Variants in GTF3C3 observed in about 807,000 individuals in gnomAD.
The protein encoded by GTF3C3 is general transcription factor 3C polypeptide 3.
Under a neutral mutation model 105.2 loss-of-function variants are expected in GTF3C3, and 75 were observed. The observed-to-expected ratio is 0.71, with a 90% CI of 0.59 to 0.86. The LOEUF (loss-of-function observed/expected upper bound fraction) is 0.86, where lower values mean the gene tolerates loss of function less well. GTF3C3 is among the 40% of genes least tolerant of loss of function. The pLI is 0.00. For missense variants in GTF3C3, 856 were observed against 1,076.5 expected, an observed-to-expected ratio of 0.80 and a Z score of 2.87; for synonymous variants, 335 against 370.4, an observed-to-expected ratio of 0.90 and a Z score of 1.10.
At chr2:196,781,358 ATATATATATAT>A (rs1699356443) in intron 8 of GTF3C3, among the ~76,000 whole-genome samples, 1 of 31,928 alleles carries the variant, frequency 3.1e-5, no homozygotes, top group Non-Finnish European at 5.7e-5. Context: ...AAAAAAAAAA[ATATATATATAT>A]ATATATATAT....
chr2:196,776,374 G>C lies in GTF3C3; in HGVS notation c.1593+53C>G. 3 of 1,443,098 alleles carry C rather than the reference G, an allele frequency of 2.1e-6. No individual in the cohort carries two copies. In the South Asian group the frequency reaches 3.6e-5, roughly 17 times the overall value. 89.4% of individuals were successfully genotyped at this position (1,443,098 alleles called of 1,614,324 possible). A position where few individuals can be genotyped will look rare whatever the true frequency, so the allele number is the denominator to read the frequency against. On this transcript the variant is annotated intron_variant, in intron 11 of 17. Transcript: ENST00000263956. This position sits in a 1 kb window ranked among gnomAD's most constrained non-coding sequence, Gnocchi z 4.5. ...AGAGACATCCTTAATGGAGGAGAAA[G>C]TTCTAAAATATAATATACCAAGAAA...
chr2:196,798,384 G>A (rs1229032330), intron 1 of GTF3C3, among the ~76,000 whole-genome samples: 1 of 151,896 alleles, frequency 6.6e-6, no homozygotes, highest in African/African-American at 2.4e-5. Flanking sequence ...AATTAGCAGA[G>A]TGTGATGGCT....
intron 8 of GTF3C3, among the ~76,000 whole-genome samples, chr2:196,782,878 C>T (rs1233017771): frequency 6.6e-6 from 1 of 152,148 alleles, no homozygotes; most frequent in Admixed American, 6.5e-5. Flanking sequence ...ATAGCCCCTA[C>T]AGCTTATATA....
Position 196,766,647 on chromosome 2 carries a change from C to T in GTF3C3, c.2456G>A (p.Arg819His), listed in dbSNP as rs779816239. Reference protein sequence around the residue: ...PCQESFYNLGRGLHQLGLIHL... With the variant: ...PCQESFYNLGHGLHQLGLIHL... ...AATCAGCCCCAACTGATGAAGGCCA[C>T]GGCCCAAATTGTAGAATGATTCCTG... The change falls in exon 17 of 18, where the codon CGT (arginine) becomes CAT (histidine). Residue 819 changes from arginine to histidine, a missense_variant. By Grantham distance (29) the Arg-to-His change is conservative. Transcript: ENST00000263956. 1.3e-5 allele frequency: 21 copies of T among 1,612,972 alleles called. No individual in the cohort carries two copies. The highest frequency in any genetic ancestry group is 5.5e-5 in the South Asian group (5 of 90,984).
intron 1 of GTF3C3, 144 bp downstream of exon 1, chr2:196,799,366 A>G: frequency 1.6e-6 from 1 of 643,902 alleles, no homozygotes. Context: ...AGGGGTGAAA[A>G]CCGGAGTTTC....
At chr2:196,797,206 A>G (rs1699661985) in intron 2 of GTF3C3, among the ~76,000 whole-genome samples, 1 of 152,242 alleles carries the variant, frequency 6.6e-6, no homozygotes, top group Non-Finnish European at 1.5e-5. Context: ...AAGGGTATCA[A>G]TCACTGAACA....
intron 16 of GTF3C3, among the ~76,000 whole-genome samples, chr2:196,769,152 C>A (rs1699125145): frequency 6.6e-6 from 1 of 152,110 alleles, no homozygotes; most frequent in Non-Finnish European, 1.5e-5. Context: ...AAAGAGACCA[C>A]CTTAATGAAC....
In GTF3C3 at chr2:196,768,625, G is replaced by A. The variant is rs537493296; in HGVS notation, c.2385+1290C>T. Among the ~76,000 whole-genome samples the A allele has an allele frequency of 2.6e-5, 4 of 152,182 alleles. No individual in the cohort carries two copies. The East Asian group carries it at 7.7e-4, about 29-fold the overall frequency. On this transcript the variant is annotated intron_variant, in intron 16 of 17. Transcript: ENST00000263956. ...AATGATGCTATTTACAATAAAACCT[G>A]CTTCTCAGAAACTTTTTTTATGGAA...
rs114499716 is a variant in GTF3C3 at position 196,783,596 on chromosome 2, C to T, written c.1114+1261G>A. Among the ~76,000 whole-genome samples the T allele has an allele frequency of 8.1e-3, 1,240 of 152,278 alleles. 10 individuals are homozygous for T. The highest frequency in any genetic ancestry group is 0.028 in the African/African-American group (1,162 of 41,544). On this transcript the variant is annotated intron_variant, in intron 8 of 17. Transcript: ENST00000263956. ...CATTCACACCACCCTGATGACTCAACAGCCCCAACCACAGCCTGTGATCTG... is the reference window on the plus strand; with the variant it reads ...CATTCACACCACCCTGATGACTCAATAGCCCCAACCACAGCCTGTGATCTG...
intron 14 of GTF3C3, among the ~76,000 whole-genome samples, chr2:196,772,524 G>C (rs1234810526): frequency 6.6e-6 from 1 of 151,896 alleles, no homozygotes; most frequent in Non-Finnish European, 1.5e-5. Flanking sequence ...CTCCAGCCTG[G>C]GCAATAGGAG....
rs776028689 is a variant in GTF3C3, at chr2:196,799,624, T to C, written c.-13A>G. ...TGAACCCTGACATGTTTACAGGGTC[T>C]GTCTGTGCAACCCCAGGAACCGGGA... On this transcript the variant is annotated 5_prime_UTR_variant, in exon 1 of 18. Transcript: ENST00000263956. 6.4e-7 allele frequency: 1 copy of C among 1,571,022 alleles called. No individual in the cohort carries two copies. The highest frequency in any genetic ancestry group is 8.8e-7 in the Non-Finnish European group (1 of 1,140,724).
chr2:196,767,126 C>T (rs1227211933), intron 16 of GTF3C3: 4 of 153,096 alleles, frequency 2.6e-5, no homozygotes, highest in Non-Finnish European at 5.8e-5. Flanking sequence ...CTCTCAGGAG[C>T]AAATTCACTT....
At chr2:196,796,696 G>A (rs1699652409) in intron 2 of GTF3C3, among the ~76,000 whole-genome samples, 1 of 152,120 alleles carries the variant, frequency 6.6e-6, no homozygotes, top group Non-Finnish European at 1.5e-5. Context: ...CCCAGTGTCT[G>A]TTGTTTCCTC....
chr2:196,798,450 G>C (rs546509631), intron 1 of GTF3C3, among the ~76,000 whole-genome samples: 1 of 152,180 alleles, frequency 6.6e-6, no homozygotes, highest in East Asian at 1.9e-4. Context: ...CTTGAGTCCG[G>C]GAGGCGGAAG....
At chr2:196,770,096 T>C (rs933395537) in intron 15 of GTF3C3, 57 bp from the exon 16 acceptor site, 1 of 1,424,886 alleles carries the variant, frequency 7.0e-7, no homozygotes, top group Admixed American at 2.7e-5. Context: ...ATTTATTTCT[T>C]CAACACTTTT....
chr2:196,765,283 A>T (rs1024737754), intron 17 of GTF3C3, among the ~76,000 whole-genome samples: 135 of 152,272 alleles, frequency 8.9e-4, no homozygotes, highest in Non-Finnish European at 2.6e-4. Context: ...CTATGTTTCT[A>T]ATCTTCCCCA....
At chr2:196,790,695 C>A (rs948751393) in intron 4 of GTF3C3, among the ~76,000 whole-genome samples, 7 of 152,180 alleles carry the variant, frequency 4.6e-5, no homozygotes, top group Admixed American at 1.3e-4. Context: ...TAAGCAGTAG[C>A]CTCAAATTAC....
At chr2:196,773,618 T>G (rs1304844865) in intron 13 of GTF3C3, 2 of 411,674 alleles carry the variant, frequency 4.9e-6, no homozygotes, top group East Asian at 1.5e-4. Flanking sequence ...TTGTGCACTT[T>G]ATTTCCATTA....
chr2:196,766,010 C>CAAA lies in GTF3C3; in HGVS notation c.2538+552_2538+554dup, dbSNP rs11424716. 3.7e-3 allele frequency among the ~76,000 whole-genome samples: 319 copies of CAAA among 86,956 alleles called. 3 individuals carry two copies. In the East Asian group the frequency reaches 0.051, roughly 14 times the overall value. 57.0% of individuals were successfully genotyped at this position (86,956 alleles called of 152,430 possible). On this transcript the variant is annotated intron_variant, in intron 17 of 17. Coordinates refer to ENST00000263956, the MANE Select transcript of GTF3C3 (RefSeq NM_012086.5). ...GGGCCACAGAGCAAGACTCTGTCTC[C>CAAA]AAAAAAAAAAAAAAAAAAAAAAATT...
Sources: allele counts gnomAD v4.1 joint callset (sites outside exome capture counted in the v4.1 genomes callset), GRCh38; gene constraint gnomAD v4.1.1; non-coding constraint Gnocchi (gnomAD v3.1); transcripts MANE v1.5; gene names NCBI Gene and HGNC (gene_info 2026-07-23, HGNC 2026-07-21).